The following MUTYH variants were observed in gnomAD, a reference collection of about 807,000 sequenced individuals.
The protein encoded by MUTYH is adenine DNA glycosylase.
MUTYH carries 64 observed loss-of-function variants against 72.9 expected under a neutral mutation model. The ratio of observed to expected loss-of-function variants is 0.88; its 90% CI spans 0.72 to 1.08. The LOEUF is 1.08. Ranked by LOEUF, MUTYH falls within the 50% of genes least tolerant of loss-of-function variation. MUTYH has a pLI of 0.00. For synonymous variants in MUTYH, 234 were observed against 263.1 expected (o/e 0.89, Z 1.07); for missense variants, 633 against 671.0 (o/e 0.94, Z 0.63).
intron 7 of MUTYH, 27 bp from the exon 8 acceptor site, chr1:45,332,714 A>G (rs1557477854): frequency 1.2e-6 from 2 of 1,614,064 alleles, no homozygotes; most frequent in South Asian, 1.1e-5. Flanking sequence ...ACTCAAGATT[A>G]TAAGACACCC....
chr1:45,340,045 T>G (rs1646766104), upstream of MUTYH: 5 of 1,541,040 alleles, frequency 3.2e-6, no homozygotes, highest in Non-Finnish European at 4.4e-6. Context: ...CCACCCGGGC[T>G]GCGAGCCGGC....
chr1:45,334,005 A>C (rs1301998001), intron 2 of MUTYH: 3 of 376,126 alleles, frequency 8.0e-6, no homozygotes, highest in Non-Finnish European at 1.5e-5. Flanking sequence ...TTACACCCTC[A>C]GTGAGTCTCT....
rs374085010 is a variant in MUTYH, at chr1:45,338,962, T to G, written c.-7+937A>C. Among the ~76,000 whole-genome samples, 64 of 152,186 alleles carry G rather than the reference T, an allele frequency of 4.2e-4. No individual in the cohort carries two copies. In the East Asian group the frequency reaches 0.011, roughly 27 times the overall value. On this transcript the variant is annotated intron_variant, in intron 1 of 15. Transcript: ENST00000456914. ...ATTTTCTTTTTGTAGAGACAAGGTTTCACTATGTTGCCCAGGCTAGTCTTG... is the reference window on the plus strand; with the variant it reads ...ATTTTCTTTTTGTAGAGACAAGGTTGCACTATGTTGCCCAGGCTAGTCTTG...
In MUTYH at chr1:45,332,318, A is replaced by T. The variant is rs758246147; in HGVS notation, c.705-8T>A. On this transcript the variant is annotated splice_polypyrimidine_tract_variant and splice_region_variant and intron_variant, in intron 9 of 15. Coordinates refer to ENST00000456914, the MANE Select transcript of MUTYH (RefSeq NM_001048174.2). ...AGCTGCTGGGCTAGACCCCTAAAAG[A>T]AGGGAACACTGCTGTGAAGCAGAGC... The T allele has an allele frequency of 2.5e-6, 4 of 1,614,044 alleles. No individual in the cohort carries two copies. Among genetic ancestry groups the T allele is most frequent in the Admixed American group, 1.7e-5 (1 of 60,022 alleles).
intron 1 of MUTYH, chr1:45,338,530 G>T: frequency 1.2e-5 from 4 of 328,636 alleles, no homozygotes; most frequent in African/African-American, 2.1e-5. Context: ...ACATTACTTT[G>T]ATTCTTTCCA....
chr1:45,337,129 C>G (rs1247587307), intron 1 of MUTYH, among the ~76,000 whole-genome samples: 1 of 151,804 alleles, frequency 6.6e-6, no homozygotes, highest in African/African-American at 2.4e-5. Context: ...TCCTTATAAC[C>G]TTCAATGGTT....
At position 45,332,941 on chromosome 1, in the gene MUTYH, C is replaced by G. The variant is rs564930066; in HGVS notation, c.397G>C (p.Asp133His). ...ACCTCCAGGGAAGCACTGGCCAGGT[C>G]CTGCAGTGTAGGCCACTTCTATAGC... ...GWMQKWPTLQ[D>H]LASASLEEVN... Residue 133 changes from aspartate (D) to histidine (H), a missense_variant, in exon 6 of 16, where the codon GAC (aspartate) becomes CAC (histidine). By Grantham distance (81) the Asp-to-His change is moderately conservative. Transcript: ENST00000456914. 99 of 1,614,150 alleles carry G rather than the reference C, an allele frequency of 6.1e-5. No individual in the cohort carries two copies. Among genetic ancestry groups the G allele is most frequent in the Admixed American group, 4.5e-4 (27 of 60,026 alleles).
At chr1:45,340,352 G>A, upstream of MUTYH, 4 of 1,585,948 alleles carry the variant, frequency 2.5e-6, no homozygotes, top group Non-Finnish European at 3.4e-6. Flanking sequence ...CGCTCTGGGA[G>A]AGGGGAAGGC....
chr1:45,340,423 T>C (rs1570596176), upstream of MUTYH: 1 of 1,529,020 alleles, frequency 6.5e-7, no homozygotes, highest in East Asian at 2.5e-5. Flanking sequence ...CCGCCTGAAC[T>C]AGCCACGAGG....
chr1:45,340,088 G>A, upstream of MUTYH: 1 of 1,547,898 alleles, frequency 6.5e-7, no homozygotes, highest in Non-Finnish European at 8.7e-7. Flanking sequence ...GCGCGCGCCA[G>A]GCTGCCTTCC....
intron 1 of MUTYH, among the ~76,000 whole-genome samples, chr1:45,337,174 C>T (rs1646018338): frequency 6.7e-6 from 1 of 149,500 alleles, no homozygotes; most frequent in Non-Finnish European, 1.5e-5. Flanking sequence ...GATGGGGTCT[C>T]ACTCTGTCAC....
intron 1 of MUTYH, chr1:45,338,308 G>C (rs896396319): frequency 7.5e-6 from 4 of 529,876 alleles, no homozygotes; most frequent in African/African-American, 7.4e-5. Flanking sequence ...CTATGCTCTA[G>C]CCAAGGTTGA....
rs199664013 is a variant in MUTYH, at chr1:45,330,574, G to C, written c.1393-17C>G. 1.6e-4 allele frequency: 260 copies of C among 1,605,114 alleles called. No homozygotes were observed. The highest frequency in any genetic ancestry group is 2.1e-4 in the Non-Finnish European group (246 of 1,175,532). On this transcript the variant is annotated splice_polypyrimidine_tract_variant and intron_variant, in intron 14 of 15. Transcript: ENST00000456914. ...ACGGAAAACCTAGACAAGAAGACAG[G>C]GAGGTGAGGGCTGGCACTTTTTGCA...
At chr1:45,334,577 G>A in intron 1 of MUTYH, 66 bp from the exon 2 acceptor site, 1 of 1,606,924 alleles carries the variant, frequency 6.2e-7, no homozygotes, top group Non-Finnish European at 8.5e-7. Context: ...GCCTTCCAAG[G>A]GTGATAGCTA....
chr1:45,340,161 C>T (rs1217858821), upstream of MUTYH: 3 of 1,602,754 alleles, frequency 1.9e-6, no homozygotes, highest in Non-Finnish European at 2.6e-6. Flanking sequence ...CGGCGAGACC[C>T]CGCCCCATCC....
At chr1:45,330,766 A>G (rs1644672195) in intron 14 of MUTYH, among the ~76,000 whole-genome samples, 1 of 152,086 alleles carries the variant, frequency 6.6e-6, no homozygotes. Context: ...CCTGGCCAAC[A>G]TGGTGAAACC....
chr1:45,334,162 A>C, intron 2 of MUTYH: 1 of 508,172 alleles, frequency 2.0e-6, no homozygotes, highest in South Asian at 1.9e-5. Context: ...GCTCACCACC[A>C]CGCGAGCATA....
At position 45,332,186 on chromosome 1, in the gene MUTYH, G is replaced by T; in HGVS notation, c.829C>A (p.Leu277Met). ...CTTACTCTCTGGCGTGCCCGGCACA[G>T]GCTCTCCACAGGGCACTGGCTGCAC... ...PLCSQCPVES[L>M]CRARQRVEQE... Residue 277 changes from leucine (L) to methionine (M), a missense_variant, in exon 10 of 16, where the codon CTG becomes ATG. Coordinates refer to ENST00000456914, the MANE Select transcript of MUTYH (RefSeq NM_001048174.2). 1.2e-6 allele frequency: 2 copies of T among 1,614,214 alleles called. No homozygotes were observed. Among genetic ancestry groups the T allele is most frequent in the South Asian group, 2.2e-5 (2 of 91,090 alleles).
intron 1 of MUTYH, among the ~76,000 whole-genome samples, chr1:45,339,067 C>G (rs1345861452): frequency 6.7e-6 from 1 of 149,384 alleles, no homozygotes; most frequent in Non-Finnish European, 1.5e-5. Flanking sequence ...CCGGCCCAAG[C>G]AGTTCTGAAT....
Sources: allele counts gnomAD v4.1 joint callset (sites outside exome capture counted in the v4.1 genomes callset), GRCh38; gene constraint gnomAD v4.1.1; transcripts MANE v1.5; gene names NCBI Gene and HGNC (gene_info 2026-07-23, HGNC 2026-07-21).